Variants in AXDND1 observed in about 807,000 individuals in gnomAD.
AXDND1 encodes axonemal dynein light chain domain-containing protein 1.
Under a neutral mutation model 137.5 loss-of-function variants are expected in AXDND1, and 110 were observed. That is an observed-to-expected ratio of 0.80 (90% CI 0.69 to 0.94). AXDND1 has a LOEUF of 0.94. Ranked by LOEUF, AXDND1 falls within the 40% of genes least tolerant of loss-of-function variation. The probability of loss-of-function intolerance (pLI) is 0.00; values close to 1 mark genes in which losing one functional copy is unlikely to be tolerated. For missense variants in AXDND1, 1,191 were observed against 1,169.8 expected (o/e 1.02, Z -0.26); for synonymous variants, 414 against 399.7 (o/e 1.04, Z -0.43).
At chr1:179,483,610 A>T (rs1363163337) in intron 18 of AXDND1, among the ~76,000 whole-genome samples, 1 of 152,194 alleles carries the variant, frequency 6.6e-6, no homozygotes, top group Non-Finnish European at 1.5e-5. Flanking sequence ...TTGGTATCTA[A>T]TGGTGCTGCT....
At chr1:179,433,432 TC>T (rs2125321136) in intron 15 of AXDND1, among the ~76,000 whole-genome samples, 1 of 152,328 alleles carries the variant, frequency 6.6e-6, no homozygotes, top group South Asian at 2.1e-4. Flanking sequence ...CTTTTGCTTC[TC>T]CAGTTATTCT....
chr1:179,471,776 T>TAGTCTTTTACTCTACCTTTTCCAC (rs2125494424), intron 17 of AXDND1, among the ~76,000 whole-genome samples: 1 of 152,344 alleles, frequency 6.6e-6, no homozygotes, highest in Non-Finnish European at 1.5e-5. Flanking sequence ...ACCTTTTCCA[T>TAGTCTTTTACTCTACCTTTTCCAC]AGTCTTAAGT....
chr1:179,404,414 G>T lies in AXDND1; in HGVS notation c.1110-6732G>T, dbSNP rs571604795. Among the ~76,000 whole-genome samples, 11 of 130,852 alleles carry T rather than the reference G, an allele frequency of 8.4e-5. No individual in the cohort carries two copies. The South Asian group carries it at 2.6e-3, about 31-fold the overall frequency. The allele number at this position is 130,852 out of a possible 152,430, so 85.8% of individuals were successfully genotyped here. A position where few individuals can be genotyped will look rare whatever the true frequency, so the allele number is the denominator to read the frequency against. On this transcript the variant is annotated intron_variant, in intron 11 of 25. Coordinates refer to ENST00000367618, the MANE Select transcript of AXDND1 (RefSeq NM_144696.6). Reference sequence around the variant, plus strand: ...TTTTTGTATTTTTAGTAGAGATGAGGTTTCACTGTGTTGGCCAGGCTGGTC... The same window carrying T: ...TTTTTGTATTTTTAGTAGAGATGAGTTTTCACTGTGTTGGCCAGGCTGGTC...
chr1:179,398,743 C>T (rs1651469582), intron 11 of AXDND1, among the ~76,000 whole-genome samples: 1 of 152,066 alleles, frequency 6.6e-6, no homozygotes, highest in Non-Finnish European at 1.5e-5. Context: ...GTCCACTGTT[C>T]TCTGAGCTTA....
intron 1 of AXDND1, 45 bp from the exon 2 acceptor site, chr1:179,366,359 G>A (rs1347403057): frequency 3.4e-6 from 2 of 581,904 alleles, no homozygotes; most frequent in East Asian, 3.0e-5. Flanking sequence ...CTCAATAGTT[G>A]TCATCTTTTT....
intron 11 of AXDND1, among the ~76,000 whole-genome samples, chr1:179,404,790 T>G (rs1406354196): frequency 6.6e-6 from 1 of 152,162 alleles, no homozygotes; most frequent in Non-Finnish European, 1.5e-5. Context: ...TAAGAAGAAT[T>G]CCCTCCTCTT....
intron 12 of AXDND1, 139 bp downstream of exon 12, chr1:179,411,405 T>G (rs1322479000): frequency 3.4e-6 from 4 of 1,173,204 alleles, no homozygotes; most frequent in Non-Finnish European, 4.8e-6. Context: ...AATTCAGTGA[T>G]GTGATCTCGG....
intron 21 of AXDND1, 54 bp from the exon 22 acceptor site, chr1:179,525,280 T>C: frequency 6.6e-7 from 1 of 1,508,940 alleles, no homozygotes; most frequent in Non-Finnish European, 8.9e-7. Flanking sequence ...TTTGAACAAA[T>C]AATTGCTAAT....
intron 11 of AXDND1, among the ~76,000 whole-genome samples, chr1:179,410,630 T>G (rs1161266308): frequency 6.6e-6 from 1 of 152,242 alleles, no homozygotes; most frequent in Non-Finnish European, 1.5e-5. Context: ...AGCTGCTTTA[T>G]TTAAGGTTTT....
intron 11 of AXDND1, among the ~76,000 whole-genome samples, chr1:179,403,106 T>A (rs1004842820): frequency 6.6e-6 from 1 of 152,208 alleles, no homozygotes; most frequent in Non-Finnish European, 1.5e-5. Context: ...GCTGGAAACC[T>A]TACTGATAAA....
chr1:179,534,271 G>A (rs1437276745), intron 24 of AXDND1, among the ~76,000 whole-genome samples: 3 of 152,222 alleles, frequency 2.0e-5, no homozygotes, highest in Non-Finnish European at 2.9e-5. Context: ...GCCAGGAGAA[G>A]AGCGTAGCCA....
At chr1:179,453,985 A>G (rs6425560) in intron 16 of AXDND1, 116,684 of 151,996 alleles carry the variant, frequency 0.77, 45,087 homozygotes, top group South Asian at 0.83. Context: ...ATAGGCAGAA[A>G]GGACTGGTCT....
At chr1:179,472,396 A>G (rs1465643661) in intron 17 of AXDND1, among the ~76,000 whole-genome samples, 1 of 152,114 alleles carries the variant, frequency 6.6e-6, no homozygotes, top group Non-Finnish European at 1.5e-5. Flanking sequence ...AAAATTATAG[A>G]GGTTTGTTTT....
intron 20 of AXDND1, among the ~76,000 whole-genome samples, chr1:179,500,058 TTTA>T (rs1667838033): frequency 6.6e-6 from 1 of 152,074 alleles, no homozygotes; most frequent in Admixed American, 6.6e-5. Flanking sequence ...GGGAATACTT[TTTA>T]TACAAAAACG....
chr1:179,389,518 A>G (rs964974406), intron 9 of AXDND1, among the ~76,000 whole-genome samples: 1 of 152,188 alleles, frequency 6.6e-6, no homozygotes, highest in African/African-American at 2.4e-5. Context: ...TTCATGCAGT[A>G]GTCCTACACT....
chr1:179,399,803 T>C (rs1386610917), intron 11 of AXDND1, among the ~76,000 whole-genome samples: 3 of 151,988 alleles, frequency 2.0e-5, no homozygotes, highest in Non-Finnish European at 4.4e-5. Context: ...GATATACAAA[T>C]GGGCAACAAA....
At position 179,483,182 on chromosome 1, in the gene AXDND1, C is replaced by T. The variant is rs1314269305; in HGVS notation, c.2052C>T (p.Gly684=). Residue 684 remains glycine (G), a synonymous_variant, in exon 18 of 26, where the codon GGC becomes GGT. Transcript: ENST00000367618. ...TTCAACAATGGCTTTTGAAGATAGG[C>T]AATGAAATTAACAACGGTAACATTG... is the stretch of plus-strand genomic sequence containing the variant. ...NMIQQWLLKI[G]NEINNGNIEL... The T allele has an allele frequency of 1.2e-6, 2 of 1,610,284 alleles. No homozygotes were observed. Among genetic ancestry groups the T allele is most frequent in the African/African-American group, 2.7e-5 (2 of 74,838 alleles).
At chr1:179,437,449 G>T (rs1658332003) in intron 15 of AXDND1, among the ~76,000 whole-genome samples, 1 of 152,134 alleles carries the variant, frequency 6.6e-6, no homozygotes, top group East Asian at 1.9e-4. Flanking sequence ...CAAACCTTTT[G>T]GTGGCAGGCG....
At chr1:179,400,181 A>G (rs1651738601) in intron 11 of AXDND1, among the ~76,000 whole-genome samples, 1 of 152,234 alleles carries the variant, frequency 6.6e-6, no homozygotes, top group African/African-American at 2.4e-5. Context: ...CCAAATGCCC[A>G]TCAATCAACG....
Sources: gnomAD v4.1 joint callset for allele counts (sites outside exome capture counted in the v4.1 genomes callset) on GRCh38, gnomAD v4.1.1 for gene constraint, MANE v1.5 for transcripts, NCBI Gene and HGNC (gene_info 2026-07-23, HGNC 2026-07-21) for gene names.